COL5A2: variants seen among roughly 807,000 people sequenced by gnomAD.
The protein encoded by COL5A2 is collagen type V alpha 2 chain.
Under a neutral mutation model 208.2 loss-of-function variants are expected in COL5A2, and 23 were observed. The ratio of observed to expected loss-of-function variants is 0.11; its 90% CI spans 0.08 to 0.16. COL5A2 has a LOEUF of 0.16. COL5A2 is among the 10% of genes least tolerant of loss of function. The pLI, the probability that COL5A2 is intolerant of heterozygous loss-of-function variation, is 1.00. For synonymous variants in COL5A2, 625 were observed against 628.5 expected (o/e 0.99, Z 0.08); for missense variants, 1,590 against 1,956.4 (o/e 0.81, Z 3.53).
At chr2:189,403,075 T>G in the COL5A2 span, among the ~76,000 whole-genome samples, 2 of 152,174 alleles carry the variant, frequency 1.3e-5, no homozygotes, top group Admixed American at 6.5e-5. Flanking sequence ...TTGTGTCATC[T>G]CTAATTTCTT....
chr2:189,311,355 T>C, the COL5A2 span: 1 of 972,994 alleles, frequency 1.0e-6, no homozygotes, highest in Non-Finnish European at 1.6e-6. Flanking sequence ...TGCATGGAGT[T>C]GCTGCTGTCC....
rs1688093910 is a variant in COL5A2, at chr2:189,149,007, G to C, written c.97+30501C>G. Among the ~76,000 whole-genome samples the C allele has an allele frequency of 3.3e-5, 5 of 152,136 alleles. No individual in the cohort carries two copies. In the South Asian group the frequency reaches 1.0e-3, roughly 32 times the overall value. On this transcript the variant is annotated intron_variant, in intron 1 of 53. Transcript: ENST00000374866. ...ATACAAAAAATTAATTGGGCGTGGTGGCATGCACTGTAATCCCACCCACTG... is the reference window on the plus strand; with the variant it reads ...ATACAAAAAATTAATTGGGCGTGGTCGCATGCACTGTAATCCCACCCACTG...
chr2:189,210,606 T>C (rs1209763477), intron 1 of COL5A2, among the ~76,000 whole-genome samples: 1 of 152,216 alleles, frequency 6.6e-6, no homozygotes, highest in Non-Finnish European at 1.5e-5. Context: ...ATTCTCCAAA[T>C]TCCATCAAAG....
intron 1 of COL5A2, among the ~76,000 whole-genome samples, chr2:189,112,725 T>C (rs1209614027): frequency 1.3e-5 from 2 of 152,234 alleles, no homozygotes; most frequent in Non-Finnish European, 1.5e-5. Flanking sequence ...AGTGCTATTA[T>C]AGTCATTTAA....
chr2:189,197,825 T>G (rs1273460426), intron 1 of COL5A2, among the ~76,000 whole-genome samples: 1 of 149,716 alleles, frequency 6.7e-6, no homozygotes, highest in Non-Finnish European at 1.5e-5. Flanking sequence ...ATTTTCCTCT[T>G]ACGTGGCAAA....
chr2:189,208,803 T>C (rs915873430), intron 1 of COL5A2, among the ~76,000 whole-genome samples: 1 of 152,232 alleles, frequency 6.6e-6, no homozygotes, highest in African/African-American at 2.4e-5. Context: ...TGTTCTGGTA[T>C]GCTGACACAG....
At chr2:189,076,816 C>A (rs747565458) in intron 16 of COL5A2, among the ~76,000 whole-genome samples, 21 of 152,104 alleles carry the variant, frequency 1.4e-4, no homozygotes, top group Non-Finnish European at 1.0e-4. Flanking sequence ...CCCGGTGACT[C>A]ATGCCTGTAA....
the COL5A2 span, among the ~76,000 whole-genome samples, chr2:189,324,493 G>A: frequency 6.6e-6 from 1 of 152,068 alleles, no homozygotes; most frequent in Non-Finnish European, 1.5e-5. Flanking sequence ...ACCCCATCAA[G>A]AAGTGGGTGA....
intron 51 of COL5A2, among the ~76,000 whole-genome samples, chr2:189,038,025 A>AT (rs572918350): frequency 3.3e-5 from 5 of 151,936 alleles, no homozygotes; most frequent in African/African-American, 9.7e-5. Context: ...ATTATAGTAC[A>AT]TTTTTTTTAA....
intron 1 of COL5A2, among the ~76,000 whole-genome samples, chr2:189,156,257 C>G (rs1309064853): frequency 6.6e-6 from 1 of 152,068 alleles, no homozygotes; most frequent in East Asian, 1.9e-4. Context: ...ATTCAAGTTC[C>G]ATGAAGCTCA....
At chr2:189,353,555 G>A in the COL5A2 span, among the ~76,000 whole-genome samples, 1 of 152,220 alleles carries the variant, frequency 6.6e-6, no homozygotes, top group Admixed American at 6.5e-5. Flanking sequence ...TGTAGTAATT[G>A]TGAATGAGAG....
At chr2:189,129,148 T>TA (rs1373203373) in intron 1 of COL5A2, among the ~76,000 whole-genome samples, 30 of 135,224 alleles carry the variant, frequency 2.2e-4, no homozygotes, top group Middle Eastern at 3.6e-3. Context: ...AAACCAAAAA[T>TA]AAAAAAAAAA....
chr2:189,374,382 G>T, the COL5A2 span, among the ~76,000 whole-genome samples: 3 of 148,450 alleles, frequency 2.0e-5, no homozygotes, highest in Non-Finnish European at 4.5e-5. Context: ...TTACCCTTTT[G>T]TTAGTTTTGA....
chr2:189,051,308 C>T lies in COL5A2; in HGVS notation c.2931+12G>A, dbSNP rs770222308. ...AGTTGAAGGTGGTCTGGAACGGATA[C>T]GCCAAACTTACAGGTTGCCCATCTT... On this transcript the variant is annotated intron_variant, in intron 42 of 53. Coordinates refer to ENST00000374866, the MANE Select transcript of COL5A2 (RefSeq NM_000393.5). 9.3e-6 allele frequency: 15 copies of T among 1,613,768 alleles called. No homozygotes were observed. The highest frequency in any genetic ancestry group is 4.0e-5 in the African/African-American group (3 of 74,882).
chr2:189,216,695 T>G (rs1435895690), intron 1 of COL5A2, among the ~76,000 whole-genome samples: 1 of 152,076 alleles, frequency 6.6e-6, no homozygotes, highest in East Asian at 1.9e-4. Context: ...ACATTGCTAC[T>G]TATGAGATGT....
chr2:189,344,656 G>A, the COL5A2 span, among the ~76,000 whole-genome samples: 1 of 152,118 alleles, frequency 6.6e-6, no homozygotes, highest in South Asian at 2.1e-4. Flanking sequence ...AAATTCTTTT[G>A]GAATTCCCCA....
At chr2:189,127,009 A>C (rs1687619014) in intron 1 of COL5A2, among the ~76,000 whole-genome samples, 1 of 152,116 alleles carries the variant, frequency 6.6e-6, no homozygotes, top group South Asian at 2.1e-4. Context: ...CAAAACGATA[A>C]GCAACTTACA....
At chr2:189,080,822 G>A (rs1686517226) in intron 13 of COL5A2, among the ~76,000 whole-genome samples, 168 bp downstream of exon 13, 1 of 152,022 alleles carries the variant, frequency 6.6e-6, no homozygotes, top group African/African-American at 2.4e-5. Context: ...TAAACTCAAA[G>A]GAAATGTATT....
intron 45 of COL5A2, among the ~76,000 whole-genome samples, chr2:189,047,475 T>C (rs1034101177): frequency 4.6e-5 from 7 of 152,234 alleles, no homozygotes; most frequent in African/African-American, 1.7e-4. Context: ...TCATTTAATA[T>C]ACAAATGCCC....
Sources: allele counts gnomAD v4.1 joint callset (sites outside exome capture counted in the v4.1 genomes callset), GRCh38; gene constraint gnomAD v4.1.1; transcripts MANE v1.5; gene names NCBI Gene and HGNC (gene_info 2026-07-23, HGNC 2026-07-21).